Variants in CALN1 observed in about 807,000 individuals in gnomAD.
CALN1 encodes calcium-binding protein 8.
A neutral mutation model predicts 30.6 loss-of-function variants in CALN1; 17 were observed. The ratio of observed to expected loss-of-function variants is 0.56; its 90% CI spans 0.38 to 0.83. The LOEUF (loss-of-function observed/expected upper bound fraction) is 0.83, where lower values mean the gene tolerates loss of function less well. CALN1 is among the 40% of genes least tolerant of loss of function. The probability of loss-of-function intolerance (pLI) is 0.00; values close to 1 mark genes in which losing one functional copy is unlikely to be tolerated. For missense variants in CALN1, 291 were observed against 354.9 expected, an observed-to-expected ratio of 0.82 and a Z score of 1.45; for synonymous variants, 156 against 131.4, an observed-to-expected ratio of 1.19 and a Z score of -1.28.
intron 2 of CALN1, among the ~76,000 whole-genome samples, chr7:72,302,003 T>G (rs1384025342): frequency 1.3e-5 from 2 of 151,866 alleles, no homozygotes; most frequent in African/African-American, 4.8e-5. Context: ...TTGGAAGAAT[T>G]TTAATGTAAT....
intron 2 of CALN1, among the ~76,000 whole-genome samples, chr7:72,350,715 TA>T (rs1169908018): frequency 6.6e-6 from 1 of 152,052 alleles, no homozygotes; most frequent in African/African-American, 2.4e-5. Flanking sequence ...ATCTGTACAC[TA>T]AATCCTTGCA....
At chr7:72,358,571 A>G (rs566326529) in intron 2 of CALN1, among the ~76,000 whole-genome samples, 1 of 152,188 alleles carries the variant, frequency 6.6e-6, no homozygotes, top group East Asian at 1.9e-4. Context: ...CGTCAACCTG[A>G]CCCCAACTTC....
At chr7:72,381,972 A>G (rs1804929305) in intron 2 of CALN1, among the ~76,000 whole-genome samples, 1 of 152,228 alleles carries the variant, frequency 6.6e-6, no homozygotes, top group African/African-American at 2.4e-5. Flanking sequence ...TTAAAGAGTA[A>G]GTATGAAGTT....
chr7:71,949,582 G>A (rs1378446531), intron 5 of CALN1, among the ~76,000 whole-genome samples: 1 of 151,742 alleles, frequency 6.6e-6, no homozygotes, highest in Non-Finnish European at 1.5e-5. Context: ...GTTTCACCAT[G>A]TTGGCCAGGG....
At chr7:72,359,984 A>C (rs1029487334) in intron 2 of CALN1, among the ~76,000 whole-genome samples, 2 of 150,392 alleles carry the variant, frequency 1.3e-5, no homozygotes, top group Non-Finnish European at 3.0e-5. Flanking sequence ...CTCAAAAAAA[A>C]AAAAAAACCA....
At chr7:72,242,686 G>C (rs1032074473) in intron 3 of CALN1, among the ~76,000 whole-genome samples, 2 of 152,110 alleles carry the variant, frequency 1.3e-5, no homozygotes, top group Non-Finnish European at 2.9e-5. Flanking sequence ...TCAGGAGTTT[G>C]AGACCAGCCT....
intron 6 of CALN1, among the ~76,000 whole-genome samples, chr7:71,803,552 G>A (rs941010326): frequency 1.3e-5 from 2 of 152,066 alleles, no homozygotes; most frequent in Non-Finnish European, 2.9e-5. Flanking sequence ...TCGGCTCACC[G>A]CAACCTCTGC....
chr7:72,423,135 A>G (rs1185898040), intron 1 of CALN1, among the ~76,000 whole-genome samples: 2 of 151,652 alleles, frequency 1.3e-5, no homozygotes, highest in Admixed American at 1.3e-4. Context: ...AAAAGAAAAT[A>G]TTTCATTTTA....
chr7:71,941,323 C>T (rs1796118729), intron 5 of CALN1, among the ~76,000 whole-genome samples: 1 of 151,116 alleles, frequency 6.6e-6, no homozygotes, highest in African/African-American at 2.4e-5. Flanking sequence ...TCCACTCCAG[C>T]CTGGGCGACA....
intron 5 of CALN1, among the ~76,000 whole-genome samples, chr7:71,938,129 TATC>T (rs1795942309): frequency 6.6e-6 from 1 of 152,132 alleles, no homozygotes; most frequent in Non-Finnish European, 1.5e-5. Flanking sequence ...AATCAGGAAA[TATC>T]ATACAGATGG....
chr7:71,990,941 A>T (rs1305078584), intron 5 of CALN1, among the ~76,000 whole-genome samples: 1 of 152,026 alleles, frequency 6.6e-6, no homozygotes, highest in Non-Finnish European at 1.5e-5. Flanking sequence ...ATCAAGGAGT[A>T]CTAACGCAGA....
intron 3 of CALN1, among the ~76,000 whole-genome samples, chr7:72,194,661 G>A (rs1284129550): frequency 1.4e-5 from 2 of 140,102 alleles, no homozygotes; most frequent in Non-Finnish European, 3.0e-5. Flanking sequence ...GCACGATCTT[G>A]GCTCACTGAA....
intron 3 of CALN1, among the ~76,000 whole-genome samples, chr7:72,110,628 G>A (rs1240200096): frequency 6.6e-6 from 1 of 150,470 alleles, no homozygotes; most frequent in Non-Finnish European, 1.5e-5. Flanking sequence ...GTGTCTGTCT[G>A]TCTGCAGAAG....
At chr7:71,922,986 GTATC>G (rs1004546164) in intron 5 of CALN1, among the ~76,000 whole-genome samples, 11 of 147,904 alleles carry the variant, frequency 7.4e-5, no homozygotes, top group African/African-American at 2.8e-4. Flanking sequence ...CTATCTCTAT[GTATC>G]TATCTAACTA....
At position 72,205,556 on chromosome 7, in the gene CALN1, ATATATATATATG is replaced by A. The variant is rs1458288687; in HGVS notation, c.244+73118_244+73129del. On this transcript the variant is annotated intron_variant, in intron 3 of 6. Transcript: ENST00000395275. ...TCTCCTGATTGCAAAAAAAAAATATATATATATATATGTATATATATATATATATATTCAGGA... is the reference window on the plus strand; with the variant it reads ...TCTCCTGATTGCAAAAAAAAAATATATATATATATATATATATATTCAGGA... 8.9e-5 allele frequency among the ~76,000 whole-genome samples: 10 copies of A among 112,238 alleles called. 1 individual carries two copies. The East Asian group carries it at 1.9e-3, about 21-fold the overall frequency. The allele number at this position is 112,238 out of a possible 152,430, so 73.6% of individuals were successfully genotyped here. A position where few individuals can be genotyped will look rare whatever the true frequency, so the allele number is the denominator to read the frequency against.
chr7:71,796,644 C>T (rs552402934), intron 6 of CALN1, among the ~76,000 whole-genome samples: 7 of 152,248 alleles, frequency 4.6e-5, no homozygotes, highest in Admixed American at 4.6e-4. Context: ...AGGCGTGAGC[C>T]ACCGCGTCCA....
intron 4 of CALN1, among the ~76,000 whole-genome samples, chr7:72,085,297 A>G (rs1805409776): frequency 1.3e-5 from 2 of 152,198 alleles, no homozygotes; most frequent in Non-Finnish European, 1.5e-5. Context: ...CAACACTGCA[A>G]GACCCCATCT....
At position 72,272,017 on chromosome 7, in the gene CALN1, G is replaced by A. The variant is rs149356851; in HGVS notation, c.244+6669C>T. 9.6e-3 allele frequency among the ~76,000 whole-genome samples: 1,435 copies of A among 149,628 alleles called. 23 individuals carry two copies. The highest frequency in any genetic ancestry group is 0.033 in the African/African-American group (1,342 of 40,532). ...GCAGAGGTTGCAGTGAGCTGAGATCGTGCCACCGCACTCCACCCTGGGTGA... is the reference window on the plus strand; with the variant it reads ...GCAGAGGTTGCAGTGAGCTGAGATCATGCCACCGCACTCCACCCTGGGTGA... On this transcript the variant is annotated intron_variant, in intron 3 of 6. Transcript: ENST00000395275.
At chr7:72,251,421 CAG>C (rs1472307689) in intron 3 of CALN1, among the ~76,000 whole-genome samples, 2 of 151,870 alleles carry the variant, frequency 1.3e-5, no homozygotes, top group African/African-American at 2.4e-5. Flanking sequence ...TTTCTTGAAA[CAG>C]AGTGTTGCTC....
Sources: allele counts gnomAD v4.1 joint callset (sites outside exome capture counted in the v4.1 genomes callset), GRCh38; gene constraint gnomAD v4.1.1; transcripts MANE v1.5; gene names NCBI Gene and HGNC (gene_info 2026-07-23, HGNC 2026-07-21).